Variants in FRMD4B observed in about 807,000 individuals in gnomAD.
FRMD4B encodes FERM domain containing 4B, also known as FERM domain-containing protein 4B.
FRMD4B carries 74 observed loss-of-function variants against 141.5 expected under a neutral mutation model. The observed-to-expected ratio is 0.52, with a 90% confidence interval of 0.43 to 0.63. FRMD4B has a LOEUF of 0.63. FRMD4B is among the 30% of genes least tolerant of loss of function. The probability of loss-of-function intolerance (pLI) is 0.00; values close to 1 mark genes in which losing one functional copy is unlikely to be tolerated. For missense variants in FRMD4B, 1,366 were observed against 1,253.4 expected (o/e 1.09, Z -1.36); for synonymous variants, 506 against 467.9 (o/e 1.08, Z -1.05).
At chr3:69,228,395 A>G (rs2093274624) in intron 7 of FRMD4B, 1 of 456,946 alleles carries the variant, frequency 2.2e-6, no homozygotes, top group Non-Finnish European at 4.4e-6. Flanking sequence ...AAGCGAGCTG[A>G]GAAATGTAAG....
chr3:69,425,190 C>G (rs72939693), intron 2 of FRMD4B, among the ~76,000 whole-genome samples: 1 of 152,122 alleles, frequency 6.6e-6, no homozygotes, highest in Non-Finnish European at 1.5e-5. Flanking sequence ...AGTGTATTAG[C>G]GTCACCTCCT....
At position 69,181,243 on chromosome 3, in the gene FRMD4B, T is replaced by C. The variant is rs371442178; in HGVS notation, c.2507A>G (p.Asn836Ser). The C allele has an allele frequency of 7.4e-6, 12 of 1,613,394 alleles. No individual in the cohort carries two copies. Among genetic ancestry groups the C allele is most frequent in the Non-Finnish European group, 1.0e-5 (12 of 1,179,564 alleles). ...ENDTEGQYSV[N>S]PSYRSSAHYG... ...GTGGGCTGAGGACCGGTAGGAAGGG[T>C]TGACACTATACTGTCCCTCGGTGTC... The change falls in exon 21 of 23, where the codon AAC becomes AGC. Residue 836 changes from asparagine to serine, a missense_variant. Physicochemically the swap from Asn to Ser is conservative, Grantham distance 46. Transcript: ENST00000398540.
intron 1 of FRMD4B, among the ~76,000 whole-genome samples, chr3:69,475,625 G>A (rs1006582640): frequency 5.2e-4 from 79 of 152,180 alleles, no homozygotes; most frequent in Admixed American, 3.9e-3. Flanking sequence ...ATTTGGGTTG[G>A]TTCCAAGTCT....
intron 5 of FRMD4B, among the ~76,000 whole-genome samples, chr3:69,250,692 T>C (rs965809122): frequency 1.3e-5 from 2 of 151,990 alleles, no homozygotes; most frequent in African/African-American, 2.4e-5. Flanking sequence ...TTGATTTATA[T>C]TGAAGTTCGA....
intron 7 of FRMD4B, among the ~76,000 whole-genome samples, chr3:69,245,441 G>T (rs1204194603): frequency 6.6e-6 from 1 of 151,854 alleles, no homozygotes; most frequent in Non-Finnish European, 1.5e-5. Flanking sequence ...TCCACCTCCA[G>T]GTTCAAGCGA....
intron 9 of FRMD4B, among the ~76,000 whole-genome samples, chr3:69,221,353 T>C (rs1390847763): frequency 6.6e-6 from 1 of 152,136 alleles, no homozygotes; most frequent in Non-Finnish European, 1.5e-5. Flanking sequence ...AAACAGACTA[T>C]CTAACACCAA....
chr3:69,392,641 C>T (rs1456134312), intron 2 of FRMD4B, among the ~76,000 whole-genome samples: 4 of 152,060 alleles, frequency 2.6e-5, no homozygotes, highest in African/African-American at 7.2e-5. Flanking sequence ...CCTCAGTCCT[C>T]GGGAACCATG....
chr3:69,531,462 T>G (rs1333735308), intron 1 of FRMD4B, among the ~76,000 whole-genome samples: 1 of 152,198 alleles, frequency 6.6e-6, no homozygotes, highest in Non-Finnish European at 1.5e-5. Context: ...GAATAATGTG[T>G]GCACAAAGAG....
intron 1 of FRMD4B, among the ~76,000 whole-genome samples, chr3:69,343,839 C>G (rs1284560661): frequency 6.6e-6 from 1 of 152,086 alleles, no homozygotes; most frequent in Admixed American, 6.5e-5. Flanking sequence ...CTCAGCCTCC[C>G]AAAGTGCTGG....
intron 1 of FRMD4B, among the ~76,000 whole-genome samples, chr3:69,488,487 G>A (rs1305432767): frequency 1.3e-5 from 2 of 152,178 alleles, no homozygotes; most frequent in East Asian, 1.9e-4. Flanking sequence ...AATAGGGAAA[G>A]CATAGTCTTT....
At chr3:69,495,580 C>A (rs1351572996) in intron 1 of FRMD4B, among the ~76,000 whole-genome samples, 2 of 152,174 alleles carry the variant, frequency 1.3e-5, no homozygotes, top group African/African-American at 4.8e-5. Context: ...TTTGGGTCAT[C>A]CGACAGGCTG....
At chr3:69,207,827 A>G (rs1390944840) in intron 11 of FRMD4B, among the ~76,000 whole-genome samples, 1 of 151,888 alleles carries the variant, frequency 6.6e-6, no homozygotes, top group African/African-American at 2.4e-5. Flanking sequence ...AAAAGAAAAA[A>G]CAATGGACAT....
intron 1 of FRMD4B, among the ~76,000 whole-genome samples, chr3:69,526,834 G>T (rs1182408188): frequency 1.3e-5 from 2 of 152,116 alleles, no homozygotes; most frequent in Non-Finnish European, 2.9e-5. Flanking sequence ...AGGTTAAAAA[G>T]GTGGTTAAGT....
Position 69,195,045 on chromosome 3 carries a change from C to T in FRMD4B, c.1465G>A (p.Asp489Asn). Residue 489 changes from aspartate (D) to asparagine (N), a missense_variant, in exon 16 of 23, where the codon GAC (aspartate) becomes AAC (asparagine). Asp to Asn is a conservative substitution (Grantham distance 23). Transcript: ENST00000398540. ...ACTTCTTCACTCGGCAGCAAGTTGT[C>T]ATCTAATTTGAACGCAGTACCCACA... ...RRVGTAFKLDDNLLPSEEDPA... is the reference protein window; with the variant it reads ...RRVGTAFKLDNNLLPSEEDPA... The T allele has an allele frequency of 6.2e-7, 1 of 1,613,832 alleles. No homozygotes were observed. The highest frequency in any genetic ancestry group is 1.3e-5 in the African/African-American group (1 of 75,046).
intron 1 of FRMD4B, among the ~76,000 whole-genome samples, chr3:69,385,136 A>C (rs932585944): frequency 1.3e-5 from 2 of 152,058 alleles, no homozygotes; most frequent in Non-Finnish European, 2.9e-5. Flanking sequence ...AGTTGAGCAA[A>C]GTTGCTGCAT....
chr3:69,234,463 A>G (rs1413149614), intron 7 of FRMD4B, among the ~76,000 whole-genome samples: 1 of 152,170 alleles, frequency 6.6e-6, no homozygotes, highest in Non-Finnish European at 1.5e-5. Context: ...TTAGCAGTTT[A>G]AGAGCTTTTC....
chr3:69,183,863 CTT>C, intron 19 of FRMD4B, among the ~76,000 whole-genome samples: 1 of 151,964 alleles, frequency 6.6e-6, no homozygotes, highest in Non-Finnish European at 1.5e-5. Context: ...ATTAGGAAAA[CTT>C]TAAAAATACA....
chr3:69,453,449 A>G (rs1386403363), intron 1 of FRMD4B, among the ~76,000 whole-genome samples: 3 of 152,236 alleles, frequency 2.0e-5, no homozygotes, highest in Admixed American at 2.0e-4. Context: ...AAGCACATGT[A>G]TGTAAAAGCA....
At chr3:69,455,377 G>C (rs1002671973) in intron 1 of FRMD4B, among the ~76,000 whole-genome samples, 1 of 152,230 alleles carries the variant, frequency 6.6e-6, no homozygotes, top group African/African-American at 2.4e-5. Context: ...TTTATGAGCT[G>C]TAACACTCAC....
Sources: allele counts gnomAD v4.1 joint callset (sites outside exome capture counted in the v4.1 genomes callset), GRCh38; gene constraint gnomAD v4.1.1; transcripts MANE v1.5; gene names NCBI Gene and HGNC (gene_info 2026-07-23, HGNC 2026-07-21).